Variants in RESF1 observed in about 807,000 individuals in gnomAD.
The protein encoded by RESF1 is retroelement silencing factor 1.
Under a neutral mutation model 134.7 loss-of-function variants are expected in RESF1, and 65 were observed. The ratio of observed to expected loss-of-function variants is 0.48; its 90% confidence interval spans 0.40 to 0.59. RESF1 has a LOEUF of 0.59. Ranked by LOEUF, RESF1 falls within the 20% of genes least tolerant of loss-of-function variation. The pLI, the probability that RESF1 is intolerant of heterozygous loss-of-function variation, is 0.00. For missense variants in RESF1, 2,274 were observed against 2,002.7 expected (o/e 1.14, Z -2.59); for synonymous variants, 762 against 702.2 (o/e 1.09, Z -1.35).
At chr12:31,975,686 T>C (rs976672418) in intron 3 of RESF1, among the ~76,000 whole-genome samples, 1 of 152,222 alleles carries the variant, frequency 6.6e-6, no homozygotes, top group African/African-American at 2.4e-5. Context: ...CTACAGTCCC[T>C]AGATGGTTGG....
chr12:31,981,521 C>A lies in RESF1; in HGVS notation c.566C>A (p.Ser189Tyr). Residue 189 changes from serine (S) to tyrosine (Y), a missense_variant, in exon 4 of 6, where the codon TCT (serine) becomes TAT (tyrosine). Ser to Tyr is a moderately radical substitution (Grantham distance 144). Transcript: ENST00000312561. ...CAAGGAAATCAGGGACTTAACCAGT[C>A]TTTTTCAGAGCAACAGGTTGATTGG... ...AYQGNQGLNQSFSEQQVDWTQ... is the reference protein window; with the variant it reads ...AYQGNQGLNQYFSEQQVDWTQ... 6.2e-7 allele frequency: 1 copy of A among 1,614,030 alleles called. No homozygotes were observed. Among genetic ancestry groups the A allele is most frequent in the Non-Finnish European group, 8.5e-7 (1 of 1,179,912 alleles).
At chr12:31,980,107 CCT>C (rs1491206475) in intron 3 of RESF1, among the ~76,000 whole-genome samples, 2 of 106,720 alleles carry the variant, frequency 1.9e-5, no homozygotes, top group Non-Finnish European at 4.0e-5. Context: ...ATTTTCTTTT[CCT>C]TTTTTTTTTT....
At chr12:31,975,713 A>G (rs945136397) in intron 3 of RESF1, among the ~76,000 whole-genome samples, 1 of 152,202 alleles carries the variant, frequency 6.6e-6, no homozygotes, top group African/African-American at 2.4e-5. Flanking sequence ...CTGTGTTTCA[A>G]TCTTTATATA....
intron 3 of RESF1, among the ~76,000 whole-genome samples, chr12:31,976,364 C>T (rs1247004403): frequency 6.6e-6 from 1 of 152,110 alleles, no homozygotes; most frequent in African/African-American, 2.4e-5. Context: ...TTGATAAACA[C>T]ATATTTTGTA....
chr12:31,968,454 T>C (rs1187746861), intron 2 of RESF1, among the ~76,000 whole-genome samples: 2 of 149,852 alleles, frequency 1.3e-5, no homozygotes, highest in Non-Finnish European at 1.5e-5. Context: ...ACTTCTCTTT[T>C]TTTTTTTTTT....
At chr12:31,979,936 G>A (rs914528787) in intron 3 of RESF1, among the ~76,000 whole-genome samples, 2 of 151,382 alleles carry the variant, frequency 1.3e-5, no homozygotes, top group South Asian at 2.1e-4. Context: ...AGTTCCAACC[G>A]TCTAATACTT....
In RESF1 at chr12:31,985,411, G is replaced by C. The variant is rs140821194; in HGVS notation, c.4456G>C (p.Val1486Leu). 6.2e-7 allele frequency: 1 copy of C among 1,605,654 alleles called. No homozygotes were observed. Among genetic ancestry groups the C allele is most frequent in the Non-Finnish European group, 8.5e-7 (1 of 1,177,790 alleles). The stretch of plus-strand genomic sequence containing the variant: ...ACATATGAGACCAAGTAAACTTGCC[G>C]TGCAGGTTGAAAGTTGTGGGAAATC... ...SEHMRPSKLA[V>L]QVESCGKSNE... The change falls in exon 4 of 6, where the codon GTG (valine) becomes CTG (leucine). Residue 1486 changes from valine (V) to leucine (L), a missense_variant. By Grantham distance (32) the Val-to-Leu change is conservative. Coordinates refer to ENST00000312561, the MANE Select transcript of RESF1 (RefSeq NM_018169.4).
chr12:31,978,578 G>A (rs60974257), intron 3 of RESF1, among the ~76,000 whole-genome samples: 32,848 of 151,282 alleles, frequency 0.22, 3,623 homozygotes, highest in Admixed American at 0.24. Flanking sequence ...ACGGGCTCTC[G>A]CTCTGTCGCC....
In RESF1 at chr12:31,992,600, G is replaced by A. The variant is rs574353842; in HGVS notation, c.*65G>A. 48 of 1,447,232 alleles carry A rather than the reference G, an allele frequency of 3.3e-5. No individual in the cohort carries two copies. The highest frequency in any genetic ancestry group is 8.5e-5 in the African/African-American group (6 of 70,598). 89.6% of individuals were successfully genotyped at this position (1,447,232 alleles called of 1,614,324 possible). A position where few individuals can be genotyped will look rare whatever the true frequency, so the allele number is the denominator to read the frequency against. ...TTTCCTTTTCTGTTCAAAATATTTC[G>A]CTGAAACTAATGAGAAATGCCATGA... On this transcript the variant is annotated 3_prime_UTR_variant, in exon 6 of 6. Coordinates refer to ENST00000312561, the MANE Select transcript of RESF1 (RefSeq NM_018169.4).
At position 31,981,032 on chromosome 12, in the gene RESF1, A is replaced by C. The variant is rs1939770441; in HGVS notation, c.77A>C (p.Gln26Pro). The C allele has an allele frequency of 6.2e-7, 1 of 1,613,592 alleles. No homozygotes were observed. Residue 26 changes from glutamine (Q) to proline (P), a missense_variant, in exon 4 of 6, where the codon CAG becomes CCG. Gln to Pro is a moderately conservative substitution (Grantham distance 76, BLOSUM62 -1). Transcript: ENST00000312561. Reference sequence around the variant, plus strand: ...AAAAGCCAGCCACCTTTTTTGCACCAGTCTTTAATAAACCAAATTACCACA... The same window carrying C: ...AAAAGCCAGCCACCTTTTTTGCACCCGTCTTTAATAAACCAAATTACCACA... ...YPKSQPPFLH[Q>P]SLINQITTTS...
rs1939765052 is a variant in RESF1, at chr12:31,980,884, G to A, written c.-72G>A. On this transcript the variant is annotated 5_prime_UTR_variant, in exon 4 of 6. Transcript: ENST00000312561. ...ATATCTTTATTTCTTACAGATTCCT[G>A]ACATTCAGACAACTGACTTGTAACT... 9.0e-7 allele frequency: 1 copy of A among 1,105,512 alleles called. No homozygotes were observed. Among genetic ancestry groups the A allele is most frequent in the Non-Finnish European group, 1.3e-6 (1 of 769,938 alleles). The allele number at this position is 1,105,512 out of a possible 1,614,324, so 68.5% of individuals were successfully genotyped here.
chr12:31,979,310 C>G lies in RESF1; in HGVS notation c.-78-1568C>G, dbSNP rs112561782. Among the ~76,000 whole-genome samples the G allele has an allele frequency of 2.9e-3, 440 of 152,276 alleles. 2 individuals carry two copies. The highest frequency in any genetic ancestry group is 0.01 in the African/African-American group (416 of 41,562). ...CAACTGGGTGGCTTGTGATTTGATT[C>G]AGTTCTGACACTGTCTACCTGATGT... On this transcript the variant is annotated intron_variant, in intron 3 of 5. Transcript: ENST00000312561.
In RESF1 at chr12:31,984,805, G is replaced by C; in HGVS notation, c.3850G>C (p.Asp1284His). The C allele has an allele frequency of 6.2e-7, 1 of 1,609,886 alleles. No homozygotes were observed. The highest frequency in any genetic ancestry group is 1.1e-5 in the South Asian group (1 of 89,808). ...TGCTGGTCAGTTTTCATCTAAATGT[G>C]ATAAACTAAATCCCTTGCAAAATCA... ...LVAGQFSSKC[D>H]KLNPLQNHKR... Residue 1284 changes from aspartate (D) to histidine (H), a missense_variant, in exon 4 of 6, where the codon GAT (aspartate) becomes CAT (histidine). By Grantham distance (81) the Asp-to-His change is moderately conservative. Coordinates refer to ENST00000312561, the MANE Select transcript of RESF1 (RefSeq NM_018169.4).
At position 31,984,338 on chromosome 12, in the gene RESF1, T is replaced by C; in HGVS notation, c.3383T>C (p.Val1128Ala). 4 of 1,614,020 alleles carry C rather than the reference T, an allele frequency of 2.5e-6. No individual in the cohort carries two copies. Among genetic ancestry groups the C allele is most frequent in the Non-Finnish European group, 2.5e-6 (3 of 1,180,006 alleles). Residue 1128 changes from valine to alanine, a missense_variant, in exon 4 of 6, where the codon GTA becomes GCA. By Grantham distance (64) the Val-to-Ala change is moderately conservative. Transcript: ENST00000312561. ...GAACAGGATGATCAACCCTATGTAG[T>C]AGACAAGTTGGCAGAACCTCAGAAA... ...FPEQDDQPYVVDKLAEPQKEE... is the reference protein window; with the variant it reads ...FPEQDDQPYVADKLAEPQKEE...
rs145235750 is a variant in RESF1, at chr12:31,989,806, C to T, written c.5086+2484C>T. Among the ~76,000 whole-genome samples, 110 of 152,006 alleles carry T rather than the reference C, an allele frequency of 7.2e-4. 1 individual carries two copies. Among genetic ancestry groups the T allele is most frequent in the East Asian group, 4.7e-3 (24 of 5,150 alleles). On this transcript the variant is annotated intron_variant, in intron 5 of 5. Coordinates refer to ENST00000312561, the MANE Select transcript of RESF1 (RefSeq NM_018169.4). ...GGCGGAGGTTCCAGTGAGCTGAGAT[C>T]GGACCACTGCACTCCAGCTTGGGCG... is the stretch of plus-strand genomic sequence containing the variant.
At chr12:31,973,679 A>G (rs528849766) in intron 3 of RESF1, among the ~76,000 whole-genome samples, 221 of 44,326 alleles carry the variant, frequency 5.0e-3, no homozygotes, top group African/African-American at 0.016. Flanking sequence ...GGATGGAGGA[A>G]AAAAAAAAAA....
At chr12:31,990,368 G>A (rs4931003) in intron 5 of RESF1, among the ~76,000 whole-genome samples, 20,226 of 152,144 alleles carry the variant, frequency 0.13, 1,448 homozygotes, top group Admixed American at 0.18. Flanking sequence ...ACAACAAGAC[G>A]CAAATAGGTG....
chr12:31,981,299 C>G lies in RESF1; in HGVS notation c.344C>G (p.Thr115Ser), dbSNP rs796775560. 2 of 1,613,924 alleles carry G rather than the reference C, an allele frequency of 1.2e-6. No homozygotes were observed. The highest frequency in any genetic ancestry group is 1.7e-6 in the Non-Finnish European group (2 of 1,179,978). Reference sequence around the variant, plus strand: ...AATTTGCAGATGTCTTCAGGAGTTACCCAAAACGTATGGTTGAACTCACCA... The same window carrying G: ...AATTTGCAGATGTCTTCAGGAGTTAGCCAAAACGTATGGTTGAACTCACCA... ...THNLQMSSGV[T>S]QNVWLNSPMR... Residue 115 changes from threonine (T) to serine (S), a missense_variant, in exon 4 of 6, where the codon ACC becomes AGC. By Grantham distance (58) the Thr-to-Ser change is moderately conservative. Coordinates refer to ENST00000312561, the MANE Select transcript of RESF1 (RefSeq NM_018169.4).
intron 5 of RESF1, among the ~76,000 whole-genome samples, chr12:31,989,245 A>C (rs1263586965): frequency 6.6e-6 from 1 of 151,238 alleles, no homozygotes; most frequent in Non-Finnish European, 1.5e-5. Flanking sequence ...AAATATAAAA[A>C]ATAAGCCGAG....
Sources: allele counts gnomAD v4.1 joint callset (sites outside exome capture counted in the v4.1 genomes callset), GRCh38; gene constraint gnomAD v4.1.1; transcripts MANE v1.5; gene names NCBI Gene and HGNC (gene_info 2026-07-23, HGNC 2026-07-21).